ATR: variants seen among roughly 807,000 people sequenced by gnomAD.
ATR encodes ATR checkpoint kinase, also known as serine/threonine-protein kinase ATR.
Under a neutral mutation model 305.3 loss-of-function variants are expected in ATR, and 142 were observed. The ratio of observed to expected loss-of-function variants is 0.47; its 90% CI spans 0.41 to 0.53. The LOEUF is 0.53. Ranked by LOEUF, ATR falls within the 20% of genes least tolerant of loss-of-function variation. The pLI is 0.00. For synonymous variants in ATR, 1,050 were observed against 1,068.1 expected (o/e 0.98, Z 0.33); for missense variants, 2,135 against 3,133.1 (o/e 0.68, Z 7.60).
At position 142,538,617 on chromosome 3, in the gene ATR, T is replaced by C. The variant is rs1161786403; in HGVS notation, c.3590A>G (p.Asp1197Gly). ...ATGATCCAGGCAGCGAACAAAGCAG[T>C]CCCAAGCTCTATGTGAAAAAACAAA... ...DFPELCCRAW[D>G]CFVRCLDHAC... Residue 1197 changes from aspartate (D) to glycine (G), a missense_variant, in exon 19 of 47, where the codon GAC becomes GGC. Coordinates refer to ENST00000350721, the MANE Select transcript of ATR (RefSeq NM_001184.4). 6.8e-6 allele frequency: 11 copies of C among 1,613,368 alleles called. No homozygotes were observed. Among genetic ancestry groups the C allele is most frequent in the South Asian group, 1.1e-5 (1 of 91,054 alleles).
At chr3:142,558,949 T>C (rs1024294815) in intron 7 of ATR, 173 bp from the exon 8 acceptor site, 2 of 686,934 alleles carry the variant, frequency 2.9e-6, no homozygotes, top group African/African-American at 3.6e-5. Flanking sequence ...AGAAATTAAA[T>C]GTGACTTTAT....
At chr3:142,483,835 A>T (rs549100651) in intron 36 of ATR, among the ~76,000 whole-genome samples, 27 of 151,420 alleles carry the variant, frequency 1.8e-4, no homozygotes, top group Non-Finnish European at 3.1e-4. Context: ...TCTGTCTTAA[A>T]ATAAATAAAA....
chr3:142,451,064 A>G (rs1230179219), intron 46 of ATR: 2 of 1,281,340 alleles, frequency 1.6e-6, no homozygotes, highest in African/African-American at 1.5e-5. Flanking sequence ...GCTCCAGGAA[A>G]ATGGCCTGGC....
At chr3:142,549,375 G>C (rs1052093982) in intron 15 of ATR, 104 bp downstream of exon 15, 84 of 745,418 alleles carry the variant, frequency 1.1e-4, no homozygotes, top group Middle Eastern at 4.0e-4. Context: ...CATTCTTCTA[G>C]GATAGGCTAT....
chr3:142,569,739 C>T (rs578148408), intron 1 of ATR, among the ~76,000 whole-genome samples: 11 of 151,884 alleles, frequency 7.2e-5, no homozygotes, highest in Non-Finnish European at 1.0e-4. Flanking sequence ...CTCTGTCTCC[C>T]GGGTTCAAGC....
chr3:142,498,398 C>T (rs930655127), intron 32 of ATR, among the ~76,000 whole-genome samples, 199 bp downstream of exon 32: 1 of 152,158 alleles, frequency 6.6e-6, no homozygotes, highest in Non-Finnish European at 1.5e-5. Flanking sequence ...TCATTAGTCT[C>T]ATAGTTGCCT....
At position 142,523,910 on chromosome 3, in the gene ATR, G is replaced by A. The variant is rs1243573807; in HGVS notation, c.4152+83C>T. 21 of 1,384,906 alleles carry A rather than the reference G, an allele frequency of 1.5e-5. No homozygotes were observed. The Admixed American group carries it at 3.8e-4, about 25-fold the overall frequency. 85.8% of individuals were successfully genotyped at this position (1,384,906 alleles called of 1,614,324 possible). ...TAGGTGAAGCTTTTATTAAGGATAA[G>A]CTGAATAGTTCTTTGTAAATGAAAT... On this transcript the variant is annotated intron_variant, in intron 22 of 46. Coordinates refer to ENST00000350721, the MANE Select transcript of ATR (RefSeq NM_001184.4).
In ATR at chr3:142,562,636, A is replaced by G; in HGVS notation, c.766T>C (p.Phe256Leu). The G allele has an allele frequency of 1.2e-6, 2 of 1,614,132 alleles. No individual in the cohort carries two copies. Among genetic ancestry groups the G allele is most frequent in the Non-Finnish European group, 8.5e-7 (1 of 1,180,000 alleles). The change falls in exon 4 of 47, where the codon TTT becomes CTT. Residue 256 changes from phenylalanine to leucine, a missense_variant. Physicochemically the swap from Phe to Leu is conservative, Grantham distance 22. Transcript: ENST00000350721. ...TGTGCTGGTAGTCCTCCAAGCTGAA[A>G]AAGTTCTGTTAAAAAGCTAATTGCT... ...SLAISFLTEL[F>L]QLGGLPAQPA...
At chr3:142,464,212 A>C (rs1343887311) in intron 41 of ATR, among the ~76,000 whole-genome samples, 1 of 152,088 alleles carries the variant, frequency 6.6e-6, no homozygotes, top group Non-Finnish European at 1.5e-5. Context: ...TGTAGCCTCA[A>C]ACTCCTGGGC....
At position 142,513,561 on chromosome 3, in the gene ATR, A is replaced by T. The variant is rs2032700689; in HGVS notation, c.4581T>A (p.Tyr1527Ter). Reference protein sequence around the residue: ...MMKHDFKVTIYLLPHILVYVL... With the variant: ...MMKHDFKVTI ...CATACACCAGAATATGTGGAAGAAG[A>T]TAGATGGTCACTTTGAAATCATGCT... The change falls in exon 26 of 47, where the codon TAT becomes TAA. Residue 1527 changes from tyrosine (Y) to a stop codon, truncating the protein, a stop_gained. Coordinates refer to ENST00000350721, the MANE Select transcript of ATR (RefSeq NM_001184.4). LOFTEE classifies it high-confidence loss of function. 1.6e-5 allele frequency: 26 copies of T among 1,613,234 alleles called. No homozygotes were observed. The highest frequency in any genetic ancestry group is 2.2e-5 in the Non-Finnish European group (26 of 1,179,280).
Position 142,462,071 on chromosome 3 carries a change from T to G in ATR, c.7061A>C (p.Glu2354Ala), listed in dbSNP as rs781107518. The change falls in exon 42 of 47, where the codon GAG becomes GCG. Residue 2354 changes from glutamate (E) to alanine (A), a missense_variant. By Grantham distance (107) the Glu-to-Ala change is moderately radical. Around this residue, in one of 9 missense-constraint regions of ATR, gnomAD observed 462 missense variants for 887.6 expected, o/e 0.52. Coordinates refer to ENST00000350721, the MANE Select transcript of ATR (RefSeq NM_001184.4). ...LINKCLRKDA[E>A]SRRRELHIRT... ...AATATGAAGTTCTCTTCTACGAGAC[T>G]CTGCATCTTTTCTTAAGCACTGTTA... The G allele has an allele frequency of 1.9e-6, 3 of 1,612,676 alleles. No homozygotes were observed. In the South Asian group the frequency reaches 3.3e-5, roughly 18 times the overall value.
At chr3:142,568,020 G>A in intron 2 of ATR, 43 bp downstream of exon 2, 2 of 1,439,724 alleles carry the variant, frequency 1.4e-6, no homozygotes, top group Non-Finnish European at 1.9e-6. Flanking sequence ...GAAAAGAAAA[G>A]TCTAATTTAT....
Position 142,562,580 on chromosome 3 carries a change from C to A in ATR, c.822G>T (p.Leu274Phe), listed in dbSNP as rs185813423. The change falls in exon 4 of 47, where the codon TTG (leucine) becomes TTT (phenylalanine). Residue 274 changes from leucine (L) to phenylalanine (F), a missense_variant. Coordinates refer to ENST00000350721, the MANE Select transcript of ATR (RefSeq NM_001184.4). ...TTTCTACAAGGTGTTTTAATAATTC[C>A]AAAAATGAGCTGAAAAAAGTGCTAG... ...QPASTFFSSF[L>F]ELLKHLVEMD... The A allele has an allele frequency of 9.1e-5, 147 of 1,613,756 alleles. 1 individual carries two copies. Among genetic ancestry groups the A allele is most frequent in the Non-Finnish European group, 5.4e-5 (64 of 1,179,920 alleles).
Position 142,451,672 on chromosome 3 carries a change from T to C in ATR, c.7761+1456A>G, listed in dbSNP as rs368631296. 8.0e-4 allele frequency: 960 copies of C among 1,203,146 alleles called. 18 individuals are homozygous for C. The South Asian group carries it at 0.014, about 18-fold the overall frequency. 74.5% of individuals were successfully genotyped at this position (1,203,146 alleles called of 1,614,324 possible). On this transcript the variant is annotated intron_variant, in intron 46 of 46. Transcript: ENST00000350721. ...ATAGCTCACAGCAGCCTCCAACTCC[T>C]GGGGTCAAGTGATCCTCCCACCTCA...
intron 1 of ATR, among the ~76,000 whole-genome samples, chr3:142,577,521 C>G (rs1248120927): frequency 6.6e-6 from 1 of 152,170 alleles, no homozygotes; most frequent in Admixed American, 6.5e-5. Context: ...TTCACACACT[C>G]AAAAATAGTG....
chr3:142,546,306 G>A (rs1483439031), intron 16 of ATR, among the ~76,000 whole-genome samples: 1 of 152,124 alleles, frequency 6.6e-6, no homozygotes, highest in Non-Finnish European at 1.5e-5. Flanking sequence ...AGAACTAAGG[G>A]GGGCATTAAG....
intron 1 of ATR, among the ~76,000 whole-genome samples, chr3:142,571,224 T>C (rs1052307836): frequency 6.6e-6 from 1 of 152,140 alleles, no homozygotes; most frequent in African/African-American, 2.4e-5. Flanking sequence ...TACGAGCATT[T>C]TGGGAGGCTA....
In ATR at chr3:142,559,292, T is replaced by C; in HGVS notation, c.1691A>G (p.Asp564Gly). ...AGCATCATAAATTTTCACCACCTTA[T>C]CAATGGTTGCCTCCAGGTCCAGTTT... Reference protein sequence around the residue: ...VQKLDLEATIDKVVKIYDALI... With the variant: ...VQKLDLEATIGKVVKIYDALI... The change falls in exon 7 of 47, where the codon GAT becomes GGT. Residue 564 changes from aspartate (D) to glycine (G), a missense_variant. Physicochemically the swap from Asp to Gly is moderately conservative, Grantham distance 94 (BLOSUM62 -1). Around this residue, in one of 9 missense-constraint regions of ATR, gnomAD observed 744 missense variants for 873.2 expected, o/e 0.85. Coordinates refer to ENST00000350721, the MANE Select transcript of ATR (RefSeq NM_001184.4). The C allele has an allele frequency of 1.2e-6, 2 of 1,613,996 alleles. No individual in the cohort carries two copies. The highest frequency in any genetic ancestry group is 2.2e-5 in the South Asian group (2 of 91,086).
At chr3:142,511,939 C>T (rs1317844223) in intron 27 of ATR, among the ~76,000 whole-genome samples, 2 of 151,840 alleles carry the variant, frequency 1.3e-5, no homozygotes, top group Non-Finnish European at 2.9e-5. Context: ...TATGGCAAAA[C>T]CCTGTCTCTA....
Sources: gnomAD v4.1 joint callset for allele counts (sites outside exome capture counted in the v4.1 genomes callset) on GRCh38, gnomAD v4.1.1 for gene constraint, gnomAD v4.1.1 regional missense constraint, MANE v1.5 for transcripts, NCBI Gene and HGNC (gene_info 2026-07-23, HGNC 2026-07-21) for gene names.